The following B4GALT4 variants were observed in gnomAD, a reference collection of about 807,000 sequenced individuals.
B4GALT4 encodes the protein N-acetyllactosamine synthase.
Under a neutral mutation model 37.3 loss-of-function variants are expected in B4GALT4, and 27 were observed. That is an observed-to-expected ratio of 0.72 (90% CI 0.53 to 1.00). B4GALT4 has a LOEUF of 1.00. Ranked by LOEUF, B4GALT4 falls within the 50% of genes least tolerant of loss-of-function variation. The probability of loss-of-function intolerance (pLI) is 0.00; values close to 1 mark genes in which losing one functional copy is unlikely to be tolerated. For synonymous variants in B4GALT4, 148 were observed against 154.1 expected, an observed-to-expected ratio of 0.96 and a Z score of 0.29; for missense variants, 372 against 413.1, an observed-to-expected ratio of 0.90 and a Z score of 0.86.
chr3:119,225,145 G>A (rs915959239), intron 4 of B4GALT4, among the ~76,000 whole-genome samples: 9 of 152,188 alleles, frequency 5.9e-5, no homozygotes, highest in Admixed American at 2.6e-4. Flanking sequence ...TACTGGTGGA[G>A]GCTAATCCTC....
chr3:119,230,349 A>C, intron 2 of B4GALT4, 105 bp from the exon 3 acceptor site: 1 of 513,230 alleles, frequency 1.9e-6, no homozygotes. Context: ...ACCTTGACTA[A>C]CCGTAATGGT....
rs1350410541 is a variant in B4GALT4, at chr3:119,212,170, TCA to T, written c.*377_*378del. 4.3e-6 allele frequency: 3 copies of T among 702,962 alleles called. No individual in the cohort carries two copies. The African/African-American group carries it at 5.2e-5, about 12-fold the overall frequency. 43.5% of individuals were successfully genotyped at this position (702,962 alleles called of 1,614,324 possible). A position where few individuals can be genotyped will look rare whatever the true frequency, so the allele number is the denominator to read the frequency against. ...TTGGACGAGAACAACTCTGGTTCTCTCAGACATTCAGCAGTCTTATTTCCTGT... is the reference window on the plus strand; with the variant it reads ...TTGGACGAGAACAACTCTGGTTCTCTGACATTCAGCAGTCTTATTTCCTGT... On this transcript the variant is annotated 3_prime_UTR_variant, in exon 8 of 8. Coordinates refer to ENST00000393765, the MANE Select transcript of B4GALT4 (RefSeq NM_003778.4).
At chr3:119,213,246 G>A (rs1232600738) in intron 7 of B4GALT4, 1 of 152,312 alleles carries the variant, frequency 6.6e-6, no homozygotes, top group South Asian at 2.1e-4. Flanking sequence ...TCCAGGCAGA[G>A]AGACCACCCT....
rs953472709 is a variant in B4GALT4 at position 119,228,999 on chromosome 3, T to C, written c.253+848A>G. The stretch of plus-strand genomic sequence containing the variant: ...TGGCACCCTGATCTTAAGACTAATT[T>C]ACTGTTTAACATAAGTTGAGAGGCA... On this transcript the variant is annotated intron_variant, in intron 3 of 7. Transcript: ENST00000393765. Among the ~76,000 whole-genome samples, 30 of 151,960 alleles carry C rather than the reference T, an allele frequency of 2.0e-4. 1 individual carries two copies. Among genetic ancestry groups the C allele is most frequent in the African/African-American group, 7.0e-4 (29 of 41,394 alleles).
At chr3:119,237,475 A>C (rs2079018477) in intron 1 of B4GALT4, among the ~76,000 whole-genome samples, 1 of 152,232 alleles carries the variant, frequency 6.6e-6, no homozygotes, top group African/African-American at 2.4e-5. Flanking sequence ...ACATAAAGGA[A>C]TGTGTTAAAA....
At chr3:119,223,318 T>C (rs531300496) in intron 5 of B4GALT4, among the ~76,000 whole-genome samples, 3 of 152,222 alleles carry the variant, frequency 2.0e-5, no homozygotes, top group Non-Finnish European at 4.4e-5. Flanking sequence ...TGAGCACCCA[T>C]GAACAGCAGG....
chr3:119,217,658 T>A (rs539841165), intron 6 of B4GALT4, among the ~76,000 whole-genome samples: 2 of 151,996 alleles, frequency 1.3e-5, no homozygotes, highest in African/African-American at 4.8e-5. Flanking sequence ...CTGGCCAATA[T>A]GGTGAAACCT....
chr3:119,238,991 T>A (rs2079067758), intron 1 of B4GALT4, among the ~76,000 whole-genome samples: 1 of 152,202 alleles, frequency 6.6e-6, no homozygotes, highest in African/African-American at 2.4e-5. Context: ...ATTCCCAGGC[T>A]CCAGCCCCAG....
rs2078178796 is a variant in B4GALT4, at chr3:119,212,184, G to A, written c.*365C>T. 8.5e-6 allele frequency: 6 copies of A among 702,914 alleles called. No homozygotes were observed. The highest frequency in any genetic ancestry group is 4.0e-5 in the Admixed American group (2 of 49,998). The allele number at this position is 702,914 out of a possible 1,614,324, so 43.5% of individuals were successfully genotyped here. Reference sequence around the variant, plus strand: ...CTCTGGTTCTCTCAGACATTCAGCAGTCTTATTTCCTGTGGCCTTTTATCC... The same window carrying A: ...CTCTGGTTCTCTCAGACATTCAGCAATCTTATTTCCTGTGGCCTTTTATCC... On this transcript the variant is annotated 3_prime_UTR_variant, in exon 8 of 8. Coordinates refer to ENST00000393765, the MANE Select transcript of B4GALT4 (RefSeq NM_003778.4).
At position 119,226,944 on chromosome 3, in the gene B4GALT4, T is replaced by A; in HGVS notation, c.351A>T (p.Glu117Asp). The change falls in exon 4 of 8, where the codon GAA becomes GAT. Residue 117 changes from glutamate (E) to aspartate (D), a missense_variant. Glu to Asp is a conservative substitution (Grantham distance 45). Coordinates refer to ENST00000393765, the MANE Select transcript of B4GALT4 (RefSeq NM_003778.4). ...KVSRGRYRPQ[E>D]CKALQRVAIL... ...TGGCGACCCTCTGTAAAGCTTTACA[T>A]TCCTGAGGGCGATACCGGCCTCTGG... 1.2e-6 allele frequency: 2 copies of A among 1,614,140 alleles called. No individual in the cohort carries two copies. The highest frequency in any genetic ancestry group is 2.2e-5 in the East Asian group (1 of 44,882).
chr3:119,218,258 C>T (rs2078349254), intron 6 of B4GALT4, among the ~76,000 whole-genome samples: 1 of 152,168 alleles, frequency 6.6e-6, no homozygotes, highest in African/African-American at 2.4e-5. Flanking sequence ...GCTGGCACTC[C>T]CTGCAGGGGG....
chr3:119,213,761 A>G (rs138600533), intron 7 of B4GALT4: 8 of 152,186 alleles, frequency 5.3e-5, no homozygotes, highest in Admixed American at 3.3e-4. Context: ...CTTTTCATAC[A>G]ATTTAGGAAT....
Position 119,221,355 on chromosome 3 carries a change from A to C in B4GALT4, c.675-2583T>G, listed in dbSNP as rs116618156. On this transcript the variant is annotated intron_variant, in intron 5 of 7. Coordinates refer to ENST00000393765, the MANE Select transcript of B4GALT4 (RefSeq NM_003778.4). Reference sequence around the variant, plus strand: ...ACTTACTTTAACTTCTTCCCTCTGCATGTGTGTAAGGTGAAAACCTTTCTT... The same window carrying C: ...ACTTACTTTAACTTCTTCCCTCTGCCTGTGTGTAAGGTGAAAACCTTTCTT... 9.1e-3 allele frequency among the ~76,000 whole-genome samples: 1,388 copies of C among 152,330 alleles called. 43 individuals are homozygous for C. The East Asian group carries it at 0.13, about 14-fold the overall frequency.
chr3:119,232,767 C>G (rs1292529004), intron 2 of B4GALT4, among the ~76,000 whole-genome samples: 1 of 152,090 alleles, frequency 6.6e-6, no homozygotes. Context: ...GGATCTTAAT[C>G]TTAGAAAATT....
chr3:119,233,239 A>G lies in B4GALT4; in HGVS notation c.-145-2995T>C, dbSNP rs969818603. ...AATCAGAAAAGATCTTAAAGACCAC[A>G]CATCCACCTCCCTCATTCTACAGAG... is the stretch of plus-strand genomic sequence containing the variant. On this transcript the variant is annotated intron_variant, in intron 2 of 7. Transcript: ENST00000393765. 4 of 152,220 alleles carry G rather than the reference A, an allele frequency of 2.6e-5. No homozygotes were observed. The East Asian group carries it at 7.7e-4, about 29-fold the overall frequency. The allele number at this position is 152,220 out of a possible 1,614,324, so 9.4% of individuals were successfully genotyped here.
intron 3 of B4GALT4, among the ~76,000 whole-genome samples, 199 bp from the exon 4 acceptor site, chr3:119,227,240 C>T (rs979310097): frequency 1.3e-5 from 2 of 152,182 alleles, no homozygotes; most frequent in Non-Finnish European, 2.9e-5. Flanking sequence ...TTACTGGCTG[C>T]AAAAGCAAGT....
intron 5 of B4GALT4, 47 bp from the exon 6 acceptor site, chr3:119,218,819 G>A (rs2078365225): frequency 6.2e-7 from 1 of 1,606,788 alleles, no homozygotes; most frequent in African/African-American, 1.3e-5. Context: ...TCGCACCAAA[G>A]GTCTCTGATT....
intron 5 of B4GALT4, among the ~76,000 whole-genome samples, chr3:119,219,086 T>A (rs1320431825): frequency 6.6e-6 from 1 of 152,136 alleles, no homozygotes; most frequent in African/African-American, 2.4e-5. Flanking sequence ...AGATTTCATC[T>A]CATGTGCCAA....
intron 5 of B4GALT4, among the ~76,000 whole-genome samples, chr3:119,222,428 G>A (rs1294713211): frequency 6.6e-6 from 1 of 151,856 alleles, no homozygotes; most frequent in East Asian, 1.9e-4. Flanking sequence ...TGGATCCACA[G>A]CCCCCGCCCT....
Sources: allele counts gnomAD v4.1 joint callset (sites outside exome capture counted in the v4.1 genomes callset), GRCh38; gene constraint gnomAD v4.1.1; transcripts MANE v1.5; gene names NCBI Gene and HGNC (gene_info 2026-07-23, HGNC 2026-07-21).